The following PLIN1 variants were observed in gnomAD, a reference collection of about 807,000 sequenced individuals.
PLIN1 encodes the protein perilipin 1.
A neutral mutation model predicts 45.8 loss-of-function variants in PLIN1; 37 were observed. That is an observed-to-expected ratio of 0.81 (90% CI 0.62 to 1.06). PLIN1 has a LOEUF of 1.06. PLIN1 is among the 50% of genes least tolerant of loss of function. The pLI is 0.00. For synonymous variants in PLIN1, 340 were observed against 309.2 expected, an observed-to-expected ratio of 1.10 and a Z score of -1.05; for missense variants, 776 against 716.5, an observed-to-expected ratio of 1.08 and a Z score of -0.95.
At chr15:89,669,361 A>G in intron 6 of PLIN1, 139 bp downstream of exon 6, 1 of 787,792 alleles carries the variant, frequency 1.3e-6, no homozygotes, top group Non-Finnish European at 2.2e-6. Context: ...AAGTCCTCTT[A>G]GAACTGAAGC....
chr15:89,670,308 C>T (rs1009870791), intron 4 of PLIN1, 64 bp from the exon 5 acceptor site: 19 of 1,546,458 alleles, frequency 1.2e-5, no homozygotes, highest in Middle Eastern at 3.5e-4. Context: ...GCTGCCCTTC[C>T]GGGGTCTGGT....
rs746143567 is a variant in PLIN1, at chr15:89,670,141, G to C, written c.437C>G (p.Ala146Gly). The change falls in exon 5 of 9, where the codon GCT becomes GGT. Residue 146 changes from alanine (A) to glycine (G), a missense_variant. Ala to Gly is a moderately conservative substitution (Grantham distance 60). Coordinates refer to ENST00000300055, the MANE Select transcript of PLIN1 (RefSeq NM_002666.5). ...ASTSDKVLGAALAGCELAWGV... is the reference protein window; with the variant it reads ...ASTSDKVLGAGLAGCELAWGV... ...CCAGGCAAGCTCGCACCCGGCCAAA[G>C]CGGCCCCCAGGACCTTGTCTGAAGT... 1 of 1,614,204 alleles carries C rather than the reference G, an allele frequency of 6.2e-7. No homozygotes were observed. Among genetic ancestry groups the C allele is most frequent in the Admixed American group, 1.7e-5 (1 of 60,030 alleles).
rs774322277 is a variant in PLIN1, at chr15:89,667,611, C to T, written c.954G>A (p.Lys318=). ...EEEELETEEN[K]FSEVAALPGP... ...CCACTCTCCCCCTCACCTCACTGAACTTGTTCTCCTCAGTCTCCAATTCTT... is the reference window on the plus strand; with the variant it reads ...CCACTCTCCCCCTCACCTCACTGAATTTGTTCTCCTCAGTCTCCAATTCTT... Residue 318 remains lysine, a synonymous_variant, in exon 7 of 9, where the codon AAG becomes AAA. Transcript: ENST00000300055. 11 of 1,614,126 alleles carry T rather than the reference C, an allele frequency of 6.8e-6. No homozygotes were observed. The East Asian group carries it at 1.6e-4, about 23-fold the overall frequency.
chr15:89,671,719 C>T (rs967309131), intron 3 of PLIN1, among the ~76,000 whole-genome samples, 155 bp from the exon 4 acceptor site: 11 of 151,896 alleles, frequency 7.2e-5, no homozygotes, highest in African/African-American at 2.7e-4. Context: ...CCCTCTTTCG[C>T]CCTTGTCTGC....
chr15:89,665,956 A>C lies in PLIN1; in HGVS notation c.1210-14T>G. 1 of 1,480,934 alleles carries C rather than the reference A, an allele frequency of 6.8e-7. No individual in the cohort carries two copies. The highest frequency in any genetic ancestry group is 9.0e-7 in the Non-Finnish European group (1 of 1,117,138). The allele number at this position is 1,480,934 out of a possible 1,614,324, so 91.7% of individuals were successfully genotyped here. A position where few individuals can be genotyped will look rare whatever the true frequency, so the allele number is the denominator to read the frequency against. On this transcript the variant is annotated splice_polypyrimidine_tract_variant and intron_variant, in intron 8 of 8. Transcript: ENST00000300055. ...CAGCCTGGGGAGCTGAGGGCCCGGC[A>C]GCCGCCTTAGAGTCCTGGCTTGGCC...
intron 5 of PLIN1, 49 bp from the exon 6 acceptor site, chr15:89,669,721 C>A (rs372289874): frequency 1.2e-5 from 18 of 1,561,784 alleles, no homozygotes; most frequent in Non-Finnish European, 1.4e-5. Context: ...CAGAGAGGGG[C>A]CGGAGAGATC....
chr15:89,667,893 T>G lies in PLIN1; in HGVS notation c.772-100A>C, dbSNP rs1964379212. ...CCTCGCCCCCAGGGTCCGGGCCAGG[T>G]GGTGAGCAGGGCTCAGCCCCAGCAG... On this transcript the variant is annotated intron_variant, in intron 6 of 8. Coordinates refer to ENST00000300055, the MANE Select transcript of PLIN1 (RefSeq NM_002666.5). The G allele has an allele frequency of 2.0e-6, 3 of 1,519,536 alleles. No homozygotes were observed. In the African/African-American group the frequency reaches 4.1e-5, roughly 21 times the overall value. 94.1% of individuals were successfully genotyped at this position (1,519,536 alleles called of 1,614,324 possible).
rs535943926 is a variant in PLIN1 at position 89,668,001 on chromosome 15, T to C, written c.772-208A>G. Among the ~76,000 whole-genome samples, 82 of 152,340 alleles carry C rather than the reference T, an allele frequency of 5.4e-4. 2 individuals carry two copies. In the South Asian group the frequency reaches 0.016, roughly 30 times the overall value. On this transcript the variant is annotated intron_variant, in intron 6 of 8. Transcript: ENST00000300055. ...CTTTAGTGTAAGCTCTATGAATTTT[T>C]ATAAGAACACACCTGTGTAACCACC... is the stretch of plus-strand genomic sequence containing the variant.
rs200235164 is a variant in PLIN1, at chr15:89,670,133, C to T, written c.445G>A (p.Gly149Arg). Residue 149 changes from glycine (G) to arginine (R), a missense_variant, in exon 5 of 9, where the codon GGG becomes AGG. Transcript: ENST00000300055. ...SDKVLGAALAGCELAWGVARD... is the reference protein window; with the variant it reads ...SDKVLGAALARCELAWGVARD... ...GCCACCCCCCAGGCAAGCTCGCACC[C>T]GGCCAAAGCGGCCCCCAGGACCTTG... The T allele has an allele frequency of 4.0e-5, 64 of 1,614,188 alleles. No homozygotes were observed. Among genetic ancestry groups the T allele is most frequent in the Admixed American group, 1.3e-4 (8 of 60,030 alleles).
chr15:89,675,008 C>T (rs563458266), intron 2 of PLIN1, among the ~76,000 whole-genome samples: 3 of 152,200 alleles, frequency 2.0e-5, no homozygotes, highest in East Asian at 3.9e-4. Context: ...CCCGGCTACT[C>T]GGGAACCTGA....
Position 89,665,888 on chromosome 15 carries a change from G to T in PLIN1, c.1264C>A (p.Pro422Thr). 1 of 1,530,378 alleles carries T rather than the reference G, an allele frequency of 6.5e-7. No homozygotes were observed. Among genetic ancestry groups the T allele is most frequent in the Non-Finnish European group, 8.7e-7 (1 of 1,147,708 alleles). 94.8% of individuals were successfully genotyped at this position (1,530,378 alleles called of 1,614,324 possible). Residue 422 changes from proline to threonine, a missense_variant, in exon 9 of 9, where the codon CCA (proline) becomes ACA (threonine). Physicochemically the swap from Pro to Thr is conservative, Grantham distance 38. Transcript: ENST00000300055. ...PESEFRDIDN[P>T]PAEVERREAE... ...TCCCGGCGCTCGACCTCGGCTGGTG[G>T]GTTGTCGATGTCCCGGAATTCGCTC...
intron 3 of PLIN1, among the ~76,000 whole-genome samples, chr15:89,671,846 G>A (rs1964446208): frequency 6.6e-6 from 1 of 152,256 alleles, no homozygotes; most frequent in African/African-American, 2.4e-5. Flanking sequence ...GCCTCAGCTA[G>A]TCACAGCCTG....
intron 2 of PLIN1, among the ~76,000 whole-genome samples, chr15:89,675,458 C>G (rs1449340977): frequency 6.9e-6 from 1 of 144,578 alleles, no homozygotes; most frequent in African/African-American, 2.5e-5. Context: ...GCTGGCCATG[C>G]TAATATTTGA....
rs1381410372 is a variant in PLIN1, at chr15:89,665,751, GC to G, written c.1400del (p.Gly467AlafsTer74). ...RSAQSPGAPP[G>X]PGLEDEVATP... is the part of the protein sequence containing the mutation. ...TGGCGACTTCGTCCTCCAGGCCCGG[GC>G]CGGGGGGCGCGCCGGGGCTCTGCGC... is the stretch of plus-strand genomic sequence containing the variant. On this transcript the variant is annotated frameshift_variant, in exon 9 of 9. Coordinates refer to ENST00000300055, the MANE Select transcript of PLIN1 (RefSeq NM_002666.5). LOFTEE classifies it high-confidence loss of function. 6 of 1,329,166 alleles carry G rather than the reference GC, an allele frequency of 4.5e-6. No homozygotes were observed. Among genetic ancestry groups the G allele is most frequent in the Non-Finnish European group, 5.7e-6 (6 of 1,046,050 alleles). 82.3% of individuals were successfully genotyped at this position (1,329,166 alleles called of 1,614,324 possible).
chr15:89,670,341 A>G, intron 4 of PLIN1, 97 bp from the exon 5 acceptor site: 2 of 1,299,502 alleles, frequency 1.5e-6, no homozygotes, highest in Non-Finnish European at 2.1e-6. Flanking sequence ...GCTCCCAGGA[A>G]GGCATCACCT....
Position 89,669,579 on chromosome 15 carries a change from C to G in PLIN1, c.692G>C (p.Arg231Pro). The stretch of plus-strand genomic sequence containing the variant: ...CCGGGCCATGGTCTGCACGGTGTAT[C>G]GAGAGAGGGTGTTGGTCAGAGCCCC... ...RVGALTNTLSRYTVQTMARAL... is the reference protein window; with the variant it reads ...RVGALTNTLSPYTVQTMARAL... Residue 231 changes from arginine (R) to proline (P), a missense_variant, in exon 6 of 9, where the codon CGA becomes CCA. Coordinates refer to ENST00000300055, the MANE Select transcript of PLIN1 (RefSeq NM_002666.5). 7 of 1,613,954 alleles carry G rather than the reference C, an allele frequency of 4.3e-6. No homozygotes were observed. In the South Asian group the frequency reaches 7.7e-5, roughly 18 times the overall value.
rs2141523348 is a variant in PLIN1, at chr15:89,665,772, C to T, written c.1380G>A (p.Gln460=). 1 of 1,261,918 alleles carries T rather than the reference C, an allele frequency of 7.9e-7. No homozygotes were observed. Among genetic ancestry groups the T allele is most frequent in the Middle Eastern group, 3.1e-4 (1 of 3,270 alleles). The allele number at this position is 1,261,918 out of a possible 1,614,324, so 78.2% of individuals were successfully genotyped here. Residue 460 remains glutamine, a synonymous_variant, in exon 9 of 9, where the codon CAG becomes CAA. Transcript: ENST00000300055. ...CCGGGCCGGGGGGCGCGCCGGGGCTCTGCGCGCTGCGCAGGCTGCGGCGGG... is the reference window on the plus strand; with the variant it reads ...CCGGGCCGGGGGGCGCGCCGGGGCTTTGCGCGCTGCGCAGGCTGCGGCGGG... The part of the protein sequence containing the change: ...AQPRRSLRSA[Q]SPGAPPGPGL...
rs1964301871 is a variant in PLIN1 at position 89,664,614 on chromosome 15, A to T, written c.*969T>A. On this transcript the variant is annotated 3_prime_UTR_variant, in exon 9 of 9. Transcript: ENST00000300055. ...GTAACACCCCACAGCTTGTGTAAAC[A>T]CAAGCGGGGAGTGCATACACACGTG... 3.3e-6 allele frequency: 1 copy of T among 303,222 alleles called. No individual in the cohort carries two copies. The highest frequency in any genetic ancestry group is 6.5e-6 in the Non-Finnish European group (1 of 153,652). 18.8% of individuals were successfully genotyped at this position (303,222 alleles called of 1,614,324 possible).
intron 8 of PLIN1, among the ~76,000 whole-genome samples, chr15:89,666,164 C>T (rs1337779952): frequency 1.3e-5 from 2 of 152,230 alleles, no homozygotes; most frequent in East Asian, 1.9e-4. Context: ...CAAGCCAAGC[C>T]TCCCAAAGTT....
Sources: allele counts gnomAD v4.1 joint callset (sites outside exome capture counted in the v4.1 genomes callset), GRCh38; gene constraint gnomAD v4.1.1; transcripts MANE v1.5; gene names NCBI Gene and HGNC (gene_info 2026-07-23, HGNC 2026-07-21).